COL22A1: variants seen among roughly 807,000 people sequenced by gnomAD.
COL22A1 encodes the protein collagen type XXII alpha 1 chain, also known as collagen alpha-1(XXII) chain.
A neutral mutation model predicts 248.9 loss-of-function variants in COL22A1; 221 were observed. The observed-to-expected ratio is 0.89, with a 90% CI of 0.80 to 0.99. COL22A1 has a LOEUF of 0.99. COL22A1 is among the 50% of genes least tolerant of loss of function. COL22A1 has a pLI of 0.00. For synonymous variants in COL22A1, 891 were observed against 793.4 expected (o/e 1.12, Z -2.07); for missense variants, 2,240 against 2,179.0 (o/e 1.03, Z -0.56).
chr8:138,831,364 G>C (rs1363313241), intron 5 of COL22A1, among the ~76,000 whole-genome samples: 1 of 152,174 alleles, frequency 6.6e-6, no homozygotes, highest in African/African-American at 2.4e-5. Flanking sequence ...GCTTAGTTGG[G>C]TGCCGAGACT....
Position 138,877,763 on chromosome 8 carries a change from G to C in COL22A1, c.645C>G (p.Arg215=), listed in dbSNP as rs758118055. The change falls in exon 3 of 65, where the codon CGC becomes CGG. Residue 215 remains arginine, a synonymous_variant. Transcript: ENST00000303045. ...AIDKIRGKLR[R]RLCENVLCPS... is the part of the protein sequence containing the mutation. ...GGGCGCACTCACTTTCACAAAGACG[G>C]CGCCGCAGCTTGCCCCGGATCTTGT... is the stretch of plus-strand genomic sequence containing the variant. 17 of 1,588,886 alleles carry C rather than the reference G, an allele frequency of 1.1e-5. No individual in the cohort carries two copies. In the South Asian group the frequency reaches 1.8e-4, roughly 17 times the overall value.
At chr8:138,698,031 G>A (rs757285802) in intron 32 of COL22A1, among the ~76,000 whole-genome samples, 6 of 152,234 alleles carry the variant, frequency 3.9e-5, no homozygotes, top group Admixed American at 6.5e-5. Context: ...GGCCCCTCAC[G>A]TGCCTTCCCA....
chr8:138,691,893 G>GGTGT (rs1371853353), intron 35 of COL22A1, among the ~76,000 whole-genome samples: 2 of 21,866 alleles, frequency 9.1e-5, no homozygotes, highest in African/African-American at 1.7e-4. Context: ...TATGTGTGGA[G>GGTGT]GTGTATGTGT....
Position 138,685,194 on chromosome 8 carries a change from G to A in COL22A1, c.2967+14C>T, listed in dbSNP as rs768983694. 1.5e-5 allele frequency: 23 copies of A among 1,564,602 alleles called. No individual in the cohort carries two copies. Among genetic ancestry groups the A allele is most frequent in the South Asian group, 9.0e-5 (8 of 88,564 alleles). On this transcript the variant is annotated intron_variant, in intron 38 of 64. Coordinates refer to ENST00000303045, the MANE Select transcript of COL22A1 (RefSeq NM_152888.3). ...GGTTTCTACAGGCACTGGGACCCCCGACCTTCCACTTACCGGCTCTCCATC... is the reference window on the plus strand; with the variant it reads ...GGTTTCTACAGGCACTGGGACCCCCAACCTTCCACTTACCGGCTCTCCATC...
At chr8:138,844,993 AC>A (rs1287524577) in intron 3 of COL22A1, among the ~76,000 whole-genome samples, 1 of 151,786 alleles carries the variant, frequency 6.6e-6, no homozygotes, top group Non-Finnish European at 1.5e-5. Context: ...TATACATGAA[AC>A]CTCCAAGTCA....
At chr8:138,859,178 A>C (rs962024121) in intron 3 of COL22A1, among the ~76,000 whole-genome samples, 1 of 152,200 alleles carries the variant, frequency 6.6e-6, no homozygotes, top group African/African-American at 2.4e-5. Flanking sequence ...ACGTTCTCCC[A>C]TTAGCACACA....
At chr8:138,775,608 G>A (rs1326343147) in intron 16 of COL22A1, among the ~76,000 whole-genome samples, 3 of 152,170 alleles carry the variant, frequency 2.0e-5, no homozygotes, top group Non-Finnish European at 4.4e-5. Context: ...AACTTGCCAA[G>A]TAAGATACGA....
chr8:138,660,416 A>C lies in COL22A1; in HGVS notation c.3285+20T>G, dbSNP rs1308805555. The C allele has an allele frequency of 6.2e-7, 1 of 1,607,586 alleles. No homozygotes were observed. On this transcript the variant is annotated intron_variant, in intron 44 of 64. Transcript: ENST00000303045. ...CCTGACTGATAGTCAATATTCATCCAGAACCATAAGATGACATACCGGCTT... is the reference window on the plus strand; with the variant it reads ...CCTGACTGATAGTCAATATTCATCCCGAACCATAAGATGACATACCGGCTT...
intron 1 of COL22A1, among the ~76,000 whole-genome samples, chr8:138,906,198 G>A (rs140098961): frequency 2.6e-4 from 39 of 152,168 alleles, no homozygotes; most frequent in Admixed American, 1.2e-3. Flanking sequence ...GTGAAACCCC[G>A]TCTCTACTAA....
At chr8:138,703,398 GCTTATGCTGCAA>G in intron 30 of COL22A1, 51 bp from the exon 31 acceptor site, 1 of 1,507,104 alleles carries the variant, frequency 6.6e-7, no homozygotes, top group South Asian at 1.1e-5. Flanking sequence ...TCCCAACTCT[GCTTATGCTGCAA>G]CAGATCAGCT....
chr8:138,844,924 A>T lies in COL22A1; in HGVS notation c.659-766T>A, dbSNP rs144441145. Among the ~76,000 whole-genome samples, 374 of 146,192 alleles carry T rather than the reference A, an allele frequency of 2.6e-3. 2 individuals carry two copies. Among genetic ancestry groups the T allele is most frequent in the African/African-American group, 9.1e-3 (353 of 38,914 alleles). On this transcript the variant is annotated intron_variant, in intron 3 of 64. Transcript: ENST00000303045. ...GAGATCACGTGGCTGCACTCCAGCC[A>T]GGGTGACAGGGCAAGACTCCATCTC...
chr8:138,744,503 A>G (rs1197262158), intron 22 of COL22A1, among the ~76,000 whole-genome samples: 2 of 151,518 alleles, frequency 1.3e-5, no homozygotes, highest in Non-Finnish European at 2.9e-5. Flanking sequence ...ACACACACAC[A>G]CTCATACTCA....
intron 30 of COL22A1, among the ~76,000 whole-genome samples, chr8:138,707,897 A>T (rs1159089416): frequency 6.6e-6 from 1 of 152,216 alleles, no homozygotes; most frequent in East Asian, 1.9e-4. Context: ...CCATCATCTC[A>T]GCCCAAAATC....
chr8:138,619,367 C>T, intron 53 of COL22A1, 88 bp downstream of exon 53: 2 of 1,196,904 alleles, frequency 1.7e-6, no homozygotes, highest in South Asian at 2.6e-5. Context: ...CACGGTTGGG[C>T]AGTCTGGGCT....
intron 1 of COL22A1, among the ~76,000 whole-genome samples, chr8:138,898,850 G>A (rs547530180): frequency 6.6e-6 from 1 of 152,178 alleles, no homozygotes; most frequent in Non-Finnish European, 1.5e-5. Flanking sequence ...AACAACATCT[G>A]AACTGGTCTC....
chr8:138,787,803 A>C (rs1340710238), intron 12 of COL22A1, among the ~76,000 whole-genome samples: 2 of 152,078 alleles, frequency 1.3e-5, no homozygotes, highest in African/African-American at 4.8e-5. Context: ...CACTTCCTCC[A>C]TGATCTCATT....
intron 62 of COL22A1, among the ~76,000 whole-genome samples, chr8:138,596,454 T>C (rs1817545305): frequency 6.6e-6 from 1 of 152,250 alleles, no homozygotes; most frequent in African/African-American, 2.4e-5. Flanking sequence ...TATGTTCATC[T>C]GTCCTCTTTT....
In COL22A1 at chr8:138,693,657, C is replaced by A; in HGVS notation, c.2743G>T (p.Ala915Ser). 6.3e-7 allele frequency: 1 copy of A among 1,586,162 alleles called. No individual in the cohort carries two copies. The highest frequency in any genetic ancestry group is 1.2e-5 in the South Asian group (1 of 86,648). ...QEGAHGAPGA[A>S]GNPGAPGHVG... Reference sequence around the variant, plus strand: ...TCATAGGGACTCACGGGGTTTCCAGCTGCTCCAGGAGCCCCATGTGCACCT... The same window carrying A: ...TCATAGGGACTCACGGGGTTTCCAGATGCTCCAGGAGCCCCATGTGCACCT... Residue 915 changes from alanine to serine, a missense_variant, in exon 35 of 65, where the codon GCT (alanine) becomes TCT (serine). Transcript: ENST00000303045.
rs749000080 is a variant in COL22A1 at position 138,762,440 on chromosome 8, A to G, written c.1830T>C (p.Pro610=). 5 of 1,614,008 alleles carry G rather than the reference A, an allele frequency of 3.1e-6. No individual in the cohort carries two copies. The East Asian group carries it at 8.9e-5, about 29-fold the overall frequency. Residue 610 remains proline (P), a synonymous_variant, in exon 17 of 65, where the codon CCT becomes CCC. Transcript: ENST00000303045. ...EKGERGLDGF[P]GKPGDTGQQG... is the part of the protein sequence containing the mutation. ...GCTGTCCTGTGTCCCCAGGCTTCCC[A>G]GGGAATCCATCCAGGCCTCGCTCTC... is the stretch of plus-strand genomic sequence containing the variant.
Sources: gnomAD v4.1 joint callset for allele counts (sites outside exome capture counted in the v4.1 genomes callset) on GRCh38, gnomAD v4.1.1 for gene constraint, MANE v1.5 for transcripts, NCBI Gene and HGNC (gene_info 2026-07-23, HGNC 2026-07-21) for gene names.